The following YWHAB variants were observed in gnomAD, a reference collection of about 807,000 sequenced individuals.
YWHAB encodes the protein tyrosine 3-monooxygenase/tryptophan 5-monooxygenase activation protein beta.
A neutral mutation model predicts 28.5 loss-of-function variants in YWHAB; 2 were observed. The ratio of observed to expected loss-of-function variants is 0.07; its 90% confidence interval spans 0.03 to 0.22. YWHAB has a LOEUF of 0.22. Among genes scored for constraint, YWHAB ranks in the 10% least tolerant of loss-of-function variants. The probability of loss-of-function intolerance (pLI) is 1.00; values close to 1 mark genes in which losing one functional copy is unlikely to be tolerated. For missense variants in YWHAB, 148 were observed against 297.1 expected (o/e 0.50, Z 3.69); for synonymous variants, 103 against 104.7 (o/e 0.98, Z 0.10).
At chr20:44,896,062 G>T (rs1343604841) in intron 1 of YWHAB, among the ~76,000 whole-genome samples, 1 of 152,208 alleles carries the variant, frequency 6.6e-6, no homozygotes, top group African/African-American at 2.4e-5. Flanking sequence ...TAGTACTGAA[G>T]AAACGTGGTA....
chr20:44,904,114 A>T lies in YWHAB; in HGVS notation c.422A>T (p.Gln141Leu). ...LSEVASGDNK[Q>L]TTVSNSQQAY... is the part of the protein sequence containing the mutation. ...GAAGTGGCATCTGGAGACAACAAACAAAGTAAGTAATATCTTTAAAAAGAA... is the reference window on the plus strand; with the variant it reads ...GAAGTGGCATCTGGAGACAACAAACTAAGTAAGTAATATCTTTAAAAAGAA... The change falls in exon 3 of 6, where the codon CAA becomes CTA. Residue 141 changes from glutamine (Q) to leucine (L), a missense_variant and splice_region_variant. Coordinates refer to ENST00000353703, the MANE Select transcript of YWHAB (RefSeq NM_139323.4). 2 of 1,612,360 alleles carry T rather than the reference A, an allele frequency of 1.2e-6. No homozygotes were observed. Among genetic ancestry groups the T allele is most frequent in the Admixed American group, 1.7e-5 (1 of 59,670 alleles).
At position 44,901,744 on chromosome 20, in the gene YWHAB, A is replaced by G; in HGVS notation, c.211A>G (p.Thr71Ala). 6.2e-7 allele frequency: 1 copy of G among 1,614,098 alleles called. No individual in the cohort carries two copies. The highest frequency in any genetic ancestry group is 8.5e-7 in the Non-Finnish European group (1 of 1,179,960). Residue 71 changes from threonine to alanine, a missense_variant, in exon 2 of 6, where the codon ACA becomes GCA. Thr to Ala is a moderately conservative substitution (Grantham distance 58). Transcript: ENST00000353703. ...WRVISSIEQK[T>A]ERNEKKQQMG... ...TGTCATCTCCAGCATTGAGCAGAAA[A>G]CAGAGAGGAATGAGAAGAAGCAGCA...
chr20:44,887,092 AT>A (rs1568927495), intron 1 of YWHAB: 1 of 152,226 alleles, frequency 6.6e-6, no homozygotes, highest in African/African-American at 2.4e-5. Flanking sequence ...TTGCATTTTC[AT>A]TTGGAAATGT....
intron 2 of YWHAB, chr20:44,903,776 A>G (rs945055656): frequency 2.2e-6 from 1 of 451,046 alleles, no homozygotes; most frequent in Non-Finnish European, 3.9e-6. Flanking sequence ...TACTTTAATT[A>G]TCCCCTATGG....
chr20:44,905,251 G>A, intron 4 of YWHAB, 120 bp downstream of exon 4: 1 of 976,056 alleles, frequency 1.0e-6, no homozygotes, highest in Non-Finnish European at 1.5e-6. Flanking sequence ...TCTGGGGGTG[G>A]GAGTGTATCT....
At position 44,896,099 on chromosome 20, in the gene YWHAB, C is replaced by T. The variant is rs188004844; in HGVS notation, c.-3-5432C>T. ...GACATTGACAGGTATCAGCGAAATGCTTTGTGAGAATATATTCATTAGAGC... is the reference window on the plus strand; with the variant it reads ...GACATTGACAGGTATCAGCGAAATGTTTTGTGAGAATATATTCATTAGAGC... On this transcript the variant is annotated intron_variant, in intron 1 of 5. Transcript: ENST00000353703. Among the ~76,000 whole-genome samples, 10 of 152,296 alleles carry T rather than the reference C, an allele frequency of 6.6e-5. No individual in the cohort carries two copies. In the East Asian group the frequency reaches 1.9e-3, roughly 29 times the overall value.
chr20:44,903,954 G>A lies in YWHAB; in HGVS notation c.301-39G>A, dbSNP rs199806929. 3,582 of 1,580,028 alleles carry A rather than the reference G, an allele frequency of 2.3e-3. 14 individuals are homozygous for A. Among genetic ancestry groups the A allele is most frequent in the Non-Finnish European group, 2.2e-3 (2,544 of 1,169,104 alleles). Reference sequence around the variant, plus strand: ...ATCTCAAACATAGTTTTAACATCTCGTGAATAATTCTAAATTCTTAACAAT... The same window carrying A: ...ATCTCAAACATAGTTTTAACATCTCATGAATAATTCTAAATTCTTAACAAT... On this transcript the variant is annotated intron_variant, in intron 2 of 5. Coordinates refer to ENST00000353703, the MANE Select transcript of YWHAB (RefSeq NM_139323.4).
chr20:44,905,404 C>T (rs1947951262), intron 4 of YWHAB: 1 of 308,692 alleles, frequency 3.2e-6, no homozygotes, highest in African/African-American at 2.2e-5. Context: ...AGCTTTGGGC[C>T]TTGGTTATAC....
At chr20:44,897,286 A>G (rs757589720) in intron 1 of YWHAB, among the ~76,000 whole-genome samples, 7 of 152,232 alleles carry the variant, frequency 4.6e-5, no homozygotes, top group Non-Finnish European at 8.8e-5. Context: ...ATGATACCAC[A>G]TGGGATGGCT....
intron 1 of YWHAB, among the ~76,000 whole-genome samples, chr20:44,889,962 G>A (rs182261866): frequency 3.9e-4 from 59 of 152,278 alleles, no homozygotes; most frequent in African/African-American, 1.4e-3. Context: ...ATAGCTGTGT[G>A]ACCCTGAATG....
intron 4 of YWHAB, 74 bp downstream of exon 4, chr20:44,905,205 A>G (rs2066649327): frequency 4.1e-6 from 6 of 1,468,652 alleles, no homozygotes; most frequent in Non-Finnish European, 5.5e-6. Flanking sequence ...TTATTCCTGA[A>G]CATACTCATT....
chr20:44,893,877 A>G lies in YWHAB; in HGVS notation c.-3-7654A>G, dbSNP rs371351877. On this transcript the variant is annotated intron_variant, in intron 1 of 5. Transcript: ENST00000353703. ...CCCCGGCTAATTTTTTTGTATTTTTAGTAGAAACGGGGTTTCACCACATTG... is the reference window on the plus strand; with the variant it reads ...CCCCGGCTAATTTTTTTGTATTTTTGGTAGAAACGGGGTTTCACCACATTG... Among the ~76,000 whole-genome samples the G allele has an allele frequency of 9.2e-5, 14 of 151,916 alleles. No individual in the cohort carries two copies. The South Asian group carries it at 2.5e-3, about 27-fold the overall frequency.
Position 44,901,595 on chromosome 20 carries a change from A to T in YWHAB, c.62A>T (p.Tyr21Phe), listed in dbSNP as rs1227070320. Residue 21 changes from tyrosine (Y) to phenylalanine (F), a missense_variant, in exon 2 of 6, where the codon TAT (tyrosine) becomes TTT (phenylalanine). Tyr to Phe is a conservative substitution (Grantham distance 22). Transcript: ENST00000353703. ...AAACTCGCTGAGCAGGCTGAGCGAT[A>T]TGATGATATGGCTGCAGCCATGAAG... ...KAKLAEQAER[Y>F]DDMAAAMKAV... is the part of the protein sequence containing the mutation. 1.2e-6 allele frequency: 2 copies of T among 1,613,950 alleles called. No individual in the cohort carries two copies. Among genetic ancestry groups the T allele is most frequent in the Admixed American group, 3.3e-5 (2 of 60,020 alleles).
intron 1 of YWHAB, among the ~76,000 whole-genome samples, chr20:44,893,860 A>C (rs2066578929): frequency 6.6e-6 from 1 of 151,694 alleles, no homozygotes; most frequent in Admixed American, 6.6e-5. Context: ...CACCCCGGCT[A>C]ATTTTTTTGT....
chr20:44,889,961 T>G (rs2066550833), intron 1 of YWHAB, among the ~76,000 whole-genome samples: 1 of 152,206 alleles, frequency 6.6e-6, no homozygotes, highest in Non-Finnish European at 1.5e-5. Context: ...TATAGCTGTG[T>G]GACCCTGAAT....
At chr20:44,893,493 G>A (rs977511811) in intron 1 of YWHAB, among the ~76,000 whole-genome samples, 18 of 152,092 alleles carry the variant, frequency 1.2e-4, no homozygotes, top group African/African-American at 3.9e-4. Flanking sequence ...ATTACCCAGA[G>A]ACAGAACCAG....
Position 44,908,509 on chromosome 20 carries a change from T to C in YWHAB, c.*2071T>C, listed in dbSNP as rs1233446595. The stretch of plus-strand genomic sequence containing the variant: ...TAAAAATTCAAAAGTGAAATAAAAA[T>C]TTTATCAGTTAGTTGCCTGTGAATT... On this transcript the variant is annotated 3_prime_UTR_variant, in exon 6 of 6. Coordinates refer to ENST00000353703, the MANE Select transcript of YWHAB (RefSeq NM_139323.4). 6.6e-6 allele frequency: 1 copy of C among 152,524 alleles called. No homozygotes were observed. The highest frequency in any genetic ancestry group is 1.9e-4 in the East Asian group (1 of 5,202). 9.4% of individuals were successfully genotyped at this position (152,524 alleles called of 1,614,324 possible). A position where few individuals can be genotyped will look rare whatever the true frequency, so the allele number is the denominator to read the frequency against.
rs1203257313 is a variant in YWHAB, at chr20:44,904,041, A to G, written c.349A>G (p.Lys117Glu). ...TCCCAATGCTACACAACCAGAAAGT[A>G]AGGTGTTCTACTTGAAAATGAAAGG... ...LIPNATQPES[K>E]VFYLKMKGDY... The change falls in exon 3 of 6, where the codon AAG becomes GAG. Residue 117 changes from lysine to glutamate, a missense_variant. Around this residue, in one of 2 missense-constraint regions of YWHAB, gnomAD observed 110 missense variants for 177.9 expected, o/e 0.62. Coordinates refer to ENST00000353703, the MANE Select transcript of YWHAB (RefSeq NM_139323.4). The G allele has an allele frequency of 1.2e-6, 2 of 1,603,908 alleles. No homozygotes were observed. Among genetic ancestry groups the G allele is most frequent in the Admixed American group, 3.5e-5 (2 of 56,800 alleles).
At chr20:44,905,170 CAG>C (rs1323597096) in intron 4 of YWHAB, 39 bp downstream of exon 4, 2 of 1,563,028 alleles carry the variant, frequency 1.3e-6, no homozygotes, top group Non-Finnish European at 1.7e-6. Context: ...CATAGCAAAA[CAG>C]TGCTTGTGTT....
Sources: allele counts gnomAD v4.1 joint callset (sites outside exome capture counted in the v4.1 genomes callset), GRCh38; gene constraint gnomAD v4.1.1; regional missense constraint gnomAD v4.1.1; transcripts MANE v1.5; gene names NCBI Gene and HGNC (gene_info 2026-07-23, HGNC 2026-07-21).